SH3BP4: variants seen among roughly 807,000 people sequenced by gnomAD.
SH3BP4 encodes the protein SH3 domain-binding protein 4.
SH3BP4 carries 33 observed loss-of-function variants against 65.5 expected under a neutral mutation model. That is an observed-to-expected ratio of 0.50 (90% CI 0.38 to 0.67). The LOEUF (loss-of-function observed/expected upper bound fraction) is 0.67. Among genes scored for constraint, SH3BP4 ranks in the 30% least tolerant of loss-of-function variants. The probability of loss-of-function intolerance (pLI) is 0.00; values close to 1 mark genes in which losing one functional copy is unlikely to be tolerated. For synonymous variants in SH3BP4, 552 were observed against 545.5 expected (o/e 1.01, Z -0.17); for missense variants, 1,134 against 1,261.4 (o/e 0.90, Z 1.53).
chr2:235,053,549 T>C lies in SH3BP4; in HGVS notation c.2668-43T>C, dbSNP rs747292625. 1.1e-5 allele frequency: 16 copies of C among 1,478,642 alleles called. No homozygotes were observed. In the South Asian group the frequency reaches 1.8e-4, roughly 17 times the overall value. The allele number at this position is 1,478,642 out of a possible 1,614,324, so 91.6% of individuals were successfully genotyped here. ...ATCTCGTTCTGTCTCCTAATCTTTCTTCCTCTCTCCCTCCTTTTGTTTTTT... is the reference window on the plus strand; with the variant it reads ...ATCTCGTTCTGTCTCCTAATCTTTCCTCCTCTCTCCCTCCTTTTGTTTTTT... On this transcript the variant is annotated intron_variant, in intron 5 of 5. Transcript: ENST00000392011.
intron 1 of SH3BP4, among the ~76,000 whole-genome samples, chr2:234,993,721 A>G (rs981598946): frequency 1.3e-5 from 2 of 152,232 alleles, no homozygotes; most frequent in African/African-American, 4.8e-5. Context: ...TCTTTGGAGA[A>G]CGAGTACTTT....
At position 235,053,912 on chromosome 2, in the gene SH3BP4, G is replaced by A. The variant is rs777996771; in HGVS notation, c.*96G>A. 70 of 1,006,560 alleles carry A rather than the reference G, an allele frequency of 7.0e-5. No individual in the cohort carries two copies. The highest frequency in any genetic ancestry group is 1.4e-4 in the African/African-American group (9 of 62,900). The allele number at this position is 1,006,560 out of a possible 1,614,324, so 62.4% of individuals were successfully genotyped here. ...CGGAGCTGAAGAGGGAGGAAGGGGCGGCTGCTCAGACAGATTTAGGGCCCG... is the reference window on the plus strand; with the variant it reads ...CGGAGCTGAAGAGGGAGGAAGGGGCAGCTGCTCAGACAGATTTAGGGCCCG... On this transcript the variant is annotated 3_prime_UTR_variant, in exon 6 of 6. Transcript: ENST00000392011.
Position 235,035,698 on chromosome 2 carries a change from T to A in SH3BP4, c.118+578T>A, listed in dbSNP as rs1695356798. On this transcript the variant is annotated intron_variant, in intron 3 of 5. Coordinates refer to ENST00000392011, the MANE Select transcript of SH3BP4 (RefSeq NM_014521.3). The surrounding 1 kb of genome is among the most constrained non-coding windows in gnomAD (Gnocchi z 5.0). ...AGGGCCGTGCTTTACCAACCCCTGA[T>A]CTAGAAGGTGGTTCTAAAGTTTAAT... 1.3e-5 allele frequency among the ~76,000 whole-genome samples: 2 copies of A among 152,228 alleles called. No individual in the cohort carries two copies. The highest frequency in any genetic ancestry group is 6.5e-5 in the Admixed American group (1 of 15,282).
chr2:235,007,828 A>T (rs994549711), intron 2 of SH3BP4, among the ~76,000 whole-genome samples: 1 of 152,150 alleles, frequency 6.6e-6, no homozygotes, highest in Non-Finnish European at 1.5e-5. Context: ...ATCAGCAGAG[A>T]TGCCCCTAGC....
intron 1 of SH3BP4, among the ~76,000 whole-genome samples, chr2:234,989,089 T>G (rs1693672804): frequency 6.6e-6 from 1 of 152,180 alleles, no homozygotes; most frequent in African/African-American, 2.4e-5. Flanking sequence ...GAGTGTCGCT[T>G]TCTCAGTTCT....
chr2:234,984,368 AT>A (rs55708607), intron 1 of SH3BP4, among the ~76,000 whole-genome samples: 1,636 of 145,250 alleles, frequency 0.011, 20 homozygotes, highest in African/African-American at 0.031. Flanking sequence ...TGCCTGGCTA[AT>A]TTTTTTTTTT....
At chr2:234,957,970 C>T (rs374008307) in intron 1 of SH3BP4, among the ~76,000 whole-genome samples, 3 of 152,122 alleles carry the variant, frequency 2.0e-5, no homozygotes, top group East Asian at 1.9e-4. Context: ...TCCAGGGGCA[C>T]GTGTCCTACA....
chr2:235,006,634 C>T (rs1303743762), intron 2 of SH3BP4, among the ~76,000 whole-genome samples: 1 of 152,134 alleles, frequency 6.6e-6, no homozygotes, highest in African/African-American at 2.4e-5. Context: ...TTGCCAGGGG[C>T]CACCCAGCCT....
chr2:235,045,702 C>G lies in SH3BP4; in HGVS notation c.2478+2455C>G, dbSNP rs1695836515. On this transcript the variant is annotated intron_variant, in intron 4 of 5. Transcript: ENST00000392011. This position sits in a 1 kb window ranked among gnomAD's most constrained non-coding sequence, Gnocchi z 4.3. ...TCTCCCAGGTCGTTTATTAGGAGAC[C>G]CTGAAAACTGGCTGTTCTATTCCGC... Among the ~76,000 whole-genome samples the G allele has an allele frequency of 6.6e-6, 1 of 151,858 alleles. No individual in the cohort carries two copies. Among genetic ancestry groups the G allele is most frequent in the Non-Finnish European group, 1.5e-5 (1 of 67,978 alleles).
intron 1 of SH3BP4, among the ~76,000 whole-genome samples, chr2:234,992,080 G>A (rs554591346): frequency 4.6e-5 from 7 of 152,350 alleles, no homozygotes; most frequent in African/African-American, 1.7e-4. Context: ...GGCTTGCAGG[G>A]CCCTTATCCA....
At chr2:234,961,632 T>C (rs1363432692) in intron 1 of SH3BP4, among the ~76,000 whole-genome samples, 1 of 152,170 alleles carries the variant, frequency 6.6e-6, no homozygotes, top group East Asian at 1.9e-4. Flanking sequence ...TTGCTTCTTT[T>C]GTCTTGTGTA....
intron 2 of SH3BP4, among the ~76,000 whole-genome samples, chr2:235,022,921 G>A (rs1434687552): frequency 6.6e-6 from 1 of 152,206 alleles, no homozygotes; most frequent in South Asian, 2.1e-4. Context: ...GGCCTGATGG[G>A]TCTGGTTGGG....
chr2:234,986,701 A>G (rs756387055), intron 1 of SH3BP4, among the ~76,000 whole-genome samples: 4 of 151,812 alleles, frequency 2.6e-5, no homozygotes, highest in African/African-American at 7.3e-5. Context: ...CTGCTAAATG[A>G]TGGCATGATG....
intron 1 of SH3BP4, among the ~76,000 whole-genome samples, chr2:234,987,076 A>T (rs1490348611): frequency 6.6e-6 from 1 of 150,452 alleles, no homozygotes; most frequent in East Asian, 2.1e-4. Context: ...CCGGCCTGCT[A>T]ATGGTTTTCA....
At position 235,046,778 on chromosome 2, in the gene SH3BP4, C is replaced by A. The variant is rs964347495; in HGVS notation, c.2478+3531C>A. ...GAATGAATGAATGAATGAATGCAGG[C>A]CTTGGGCTGGGCTAAGAATCCAAGC... On this transcript the variant is annotated intron_variant, in intron 4 of 5. Transcript: ENST00000392011. The surrounding 1 kb of genome is among the most constrained non-coding windows in gnomAD (Gnocchi z 4.2). Among the ~76,000 whole-genome samples the A allele has an allele frequency of 6.6e-6, 1 of 152,090 alleles. No homozygotes were observed. The highest frequency in any genetic ancestry group is 1.9e-4 in the East Asian group (1 of 5,202).
intron 2 of SH3BP4, among the ~76,000 whole-genome samples, chr2:235,003,441 T>C (rs1694194237): frequency 2.0e-5 from 3 of 152,244 alleles, no homozygotes; most frequent in Admixed American, 2.0e-4. Flanking sequence ...GGTCGGGGCA[T>C]GAGAGCAGAA....
rs966911349 is a variant in SH3BP4, at chr2:235,034,928, C to T, written c.-75C>T. The T allele has an allele frequency of 5.4e-6, 7 of 1,290,860 alleles. No individual in the cohort carries two copies. The highest frequency in any genetic ancestry group is 7.8e-6 in the Non-Finnish European group (7 of 895,972). The allele number at this position is 1,290,860 out of a possible 1,614,324, so 80.0% of individuals were successfully genotyped here. A position where few individuals can be genotyped will look rare whatever the true frequency, so the allele number is the denominator to read the frequency against. On this transcript the variant is annotated 5_prime_UTR_variant, in exon 3 of 6. Transcript: ENST00000392011. The surrounding 1 kb of genome is among the most constrained non-coding windows in gnomAD (Gnocchi z 6.2). ...GCAGCGTGTTTGCTTGAGGCAGAAG[C>T]TTCAGCATCTGCTGGGATAACTGGA... is the stretch of plus-strand genomic sequence containing the variant.
intron 1 of SH3BP4, among the ~76,000 whole-genome samples, chr2:234,988,816 A>G (rs1693663988): frequency 6.6e-6 from 1 of 152,166 alleles, no homozygotes; most frequent in African/African-American, 2.4e-5. Context: ...TATTCATTCT[A>G]GGTTTAACAC....
chr2:234,995,949 G>A (rs190165517), intron 2 of SH3BP4: 4 of 152,416 alleles, frequency 2.6e-5, no homozygotes, highest in African/African-American at 7.2e-5. Context: ...CTCAGCTGGT[G>A]TTTGTGAGGA....
Sources: allele counts gnomAD v4.1 joint callset (sites outside exome capture counted in the v4.1 genomes callset), GRCh38; gene constraint gnomAD v4.1.1; non-coding constraint Gnocchi (gnomAD v3.1); transcripts MANE v1.5; gene names NCBI Gene and HGNC (gene_info 2026-07-23, HGNC 2026-07-21).